Variants in CHM observed in about 807,000 individuals in gnomAD.
The protein encoded by CHM is CHM Rab escort protein.
Under a neutral mutation model 49.0 loss-of-function variants are expected in CHM, and 10 were observed. That is an observed-to-expected ratio of 0.20 (90% CI 0.13 to 0.35). CHM has a LOEUF of 0.35. Ranked by LOEUF, CHM falls within the 10% of genes least tolerant of loss-of-function variation. CHM has a pLI of 1.00. For synonymous variants in CHM, 184 were observed against 167.5 expected (o/e 1.10, Z -0.76); for missense variants, 455 against 478.4 (o/e 0.95, Z 0.46).
chrX:85,923,051 T>C (rs1356137063), intron 8 of CHM, among the ~76,000 whole-genome samples: 1 of 111,766 alleles, frequency 8.9e-6, no homozygotes, highest in Non-Finnish European at 1.9e-5. Flanking sequence ...ACTTTAGTAA[T>C]GATGTGCAAA....
chrX:85,945,301 G>T (rs1206063821), intron 8 of CHM, among the ~76,000 whole-genome samples: 1 of 109,383 alleles, frequency 9.1e-6, no homozygotes, highest in African/African-American at 3.3e-5. Flanking sequence ...ACTGGTGGTA[G>T]GGCCTGGTGG....
intron 5 of CHM, 128 bp from the exon 6 acceptor site, chrX:85,959,105 T>C: frequency 1.2e-6 from 1 of 837,849 alleles, no homozygotes; most frequent in Non-Finnish European, 1.7e-6. Flanking sequence ...AATATTATAA[T>C]ACATAACACA....
At chrX:85,876,301 C>A (rs1213105175) in intron 13 of CHM, among the ~76,000 whole-genome samples, 1 of 111,043 alleles carries the variant, frequency 9.0e-6, no homozygotes, top group Non-Finnish European at 1.9e-5. Context: ...AAAATATGCC[C>A]AAATAATGTT....
intron 4 of CHM, chrX:85,970,436 TGGAAC>T (rs1386816554): frequency 1.3e-6 from 1 of 752,148 alleles, no homozygotes; most frequent in Non-Finnish European, 1.6e-6. Context: ...ATTCACTTGG[TGGAAC>T]GGTTGGTTCC....
chrX:85,943,477 T>C (rs912643840), intron 8 of CHM, among the ~76,000 whole-genome samples: 5 of 111,961 alleles, frequency 4.5e-5, no homozygotes, highest in Admixed American at 2.8e-4. Context: ...AATTAAAATA[T>C]AGAAAGTTGA....
chrX:85,946,789 C>A (rs1194188228), intron 8 of CHM, among the ~76,000 whole-genome samples: 1 of 111,619 alleles, frequency 9.0e-6, no homozygotes, highest in African/African-American at 3.3e-5. Context: ...ACTCCAGGCC[C>A]CAGAATGGTA....
intron 8 of CHM, among the ~76,000 whole-genome samples, chrX:85,954,606 G>T (rs1342125079): frequency 1.8e-5 from 2 of 111,486 alleles, no homozygotes; most frequent in African/African-American, 6.5e-5. Context: ...AAAAGAACGA[G>T]ATCCTGGCTG....
chrX:85,911,161 ATG>A (rs374715188), intron 9 of CHM, 98 bp downstream of exon 9: 42 of 35,694 alleles, frequency 1.2e-3, no homozygotes, highest in Middle Eastern at 0.012. Flanking sequence ...ATATATATAT[ATG>A]TATATATATA....
intron 8 of CHM, among the ~76,000 whole-genome samples, chrX:85,936,893 T>C: frequency 8.9e-6 from 1 of 111,963 alleles, no homozygotes; most frequent in Non-Finnish European, 1.9e-5. Flanking sequence ...ACATTTCACA[T>C]ACTATTTCTA....
chrX:85,959,739 T>TATAC (rs1179394953), intron 5 of CHM, among the ~76,000 whole-genome samples: 1 of 111,694 alleles, frequency 9.0e-6, no homozygotes, highest in Non-Finnish European at 1.9e-5. Context: ...GTTAACCGTA[T>TATAC]GGTTAAATGC....
chrX:85,908,053 G>C (rs12115923), intron 9 of CHM, among the ~76,000 whole-genome samples: 26,822 of 110,898 alleles, frequency 0.24, 2,425 homozygotes, highest in African/African-American at 0.28. Context: ...CTGTCCTAAA[G>C]AGGAGAGAGG....
Position 85,864,839 on chromosome X carries a change from G to A in CHM, c.1771-18C>T, listed in dbSNP as rs761627401. On this transcript the variant is annotated intron_variant, in intron 14 of 14. Coordinates refer to ENST00000357749, the MANE Select transcript of CHM (RefSeq NM_000390.4). ...GTTTCAGCCTGGCCAAGGAAGAAAA[G>A]ATAAAATCGTTTTTGGAAATCGGTT... 8.4e-7 allele frequency: 1 copy of A among 1,189,241 alleles called. No homozygotes were observed. The highest frequency in any genetic ancestry group is 1.1e-6 in the Non-Finnish European group (1 of 881,195).
intron 8 of CHM, among the ~76,000 whole-genome samples, chrX:85,913,339 AGAAAGAAAGAAAG>A (rs1927214645): frequency 2.7e-5 from 2 of 73,531 alleles, no homozygotes; most frequent in African/African-American, 9.9e-5. Context: ...AAAAAAAGAA[AGAAAGAAAGAAAG>A]AAAGAAAGAA....
intron 1 of CHM, among the ~76,000 whole-genome samples, chrX:86,043,398 T>C (rs180863646): frequency 1.8e-5 from 2 of 108,861 alleles, no homozygotes; most frequent in African/African-American, 6.7e-5. Context: ...CCATAATCTT[T>C]AGCAATAAAA....
intron 8 of CHM, among the ~76,000 whole-genome samples, chrX:85,915,019 CA>C (rs1927367217): frequency 9.2e-6 from 1 of 109,002 alleles, no homozygotes; most frequent in African/African-American, 3.3e-5. Context: ...AACAAACCTT[CA>C]AAAAAATAAA....
rs183074759 is a variant in CHM, at chrX:85,987,192, C to T, written c.117-5383G>A. On this transcript the variant is annotated intron_variant, in intron 2 of 14. Transcript: ENST00000357749. ...ACAGGCAAAATCTATAAATCACTGG[C>T]ATCCCTGAAAGAGACAGGGGAAAAG... Among the ~76,000 whole-genome samples, 21 of 112,162 alleles carry T rather than the reference C, an allele frequency of 1.9e-4. No homozygotes were observed. The East Asian group carries it at 4.8e-3, about 26-fold the overall frequency.
chrX:86,012,292 C>T (rs921557817), intron 2 of CHM, among the ~76,000 whole-genome samples: 1 of 111,593 alleles, frequency 9.0e-6, no homozygotes, highest in African/African-American at 3.3e-5. Flanking sequence ...AAGTGAAAAT[C>T]GCCTGGTGGC....
At chrX:85,945,556 C>T (rs1929356216) in intron 8 of CHM, among the ~76,000 whole-genome samples, 1 of 103,319 alleles carries the variant, frequency 9.7e-6, no homozygotes, top group African/African-American at 3.5e-5. Flanking sequence ...CACCATGCTT[C>T]CTATGGTGCT....
chrX:85,977,665 T>C (rs921141471), intron 4 of CHM, among the ~76,000 whole-genome samples: 2 of 112,400 alleles, frequency 1.8e-5, no homozygotes, highest in South Asian at 3.7e-4. Context: ...TTAAAGCATA[T>C]GTCTTTTCAG....
Sources: allele counts gnomAD v4.1 joint callset (sites outside exome capture counted in the v4.1 genomes callset), GRCh38; gene constraint gnomAD v4.1.1; transcripts MANE v1.5; gene names NCBI Gene and HGNC (gene_info 2026-07-23, HGNC 2026-07-21).